XRCC4: variants seen among roughly 807,000 people sequenced by gnomAD.
XRCC4 encodes DNA repair protein XRCC4.
In XRCC4, 28 loss-of-function variants were observed where a neutral mutation model predicts 39.1. That is an observed-to-expected ratio of 0.72 (90% CI 0.53 to 0.98). The LOEUF (loss-of-function observed/expected upper bound fraction) is 0.98, where lower values mean the gene tolerates loss of function less well. Among genes scored for constraint, XRCC4 ranks in the 50% least tolerant of loss-of-function variants. The probability of loss-of-function intolerance (pLI) is 0.00; values close to 1 mark genes in which losing one functional copy is unlikely to be tolerated. For synonymous variants in XRCC4, 123 were observed against 126.4 expected, an observed-to-expected ratio of 0.97 and a Z score of 0.18; for missense variants, 350 against 376.4, an observed-to-expected ratio of 0.93 and a Z score of 0.58.
intron 1 of XRCC4, among the ~76,000 whole-genome samples, chr5:83,104,449 T>C (rs1339653072): frequency 7.2e-5 from 11 of 152,172 alleles, no homozygotes; most frequent in African/African-American, 2.4e-4. Flanking sequence ...AAAGAAGTGG[T>C]AAAATTTACT....
chr5:83,187,761 G>A (rs1434200142), intron 3 of XRCC4, among the ~76,000 whole-genome samples: 1 of 152,200 alleles, frequency 6.6e-6, no homozygotes, highest in Non-Finnish European at 1.5e-5. Context: ...TGTTTTTGGT[G>A]TATCCGTACT....
At chr5:83,222,714 T>C (rs2112792393) in intron 6 of XRCC4, among the ~76,000 whole-genome samples, 1 of 152,156 alleles carries the variant, frequency 6.6e-6, no homozygotes, top group African/African-American at 2.4e-5. Context: ...ATTTTAGATG[T>C]TTGTGTTTTT....
intron 6 of XRCC4, among the ~76,000 whole-genome samples, chr5:83,253,553 A>G (rs1018198057): frequency 2.0e-5 from 3 of 151,906 alleles, no homozygotes; most frequent in African/African-American, 7.3e-5. Flanking sequence ...GCATATCTGT[A>G]TGGCGGGGCA....
chr5:83,189,891 C>T (rs544276456), intron 3 of XRCC4, among the ~76,000 whole-genome samples: 23 of 152,148 alleles, frequency 1.5e-4, no homozygotes, highest in Non-Finnish European at 3.4e-4. Context: ...GGGTGAAACT[C>T]CGTCTCTACT....
At chr5:83,232,721 G>A (rs1752543782) in intron 6 of XRCC4, among the ~76,000 whole-genome samples, 1 of 152,056 alleles carries the variant, frequency 6.6e-6, no homozygotes, top group South Asian at 2.1e-4. Context: ...TTGTTCAAGA[G>A]CAAAGCTATT....
intron 6 of XRCC4, 89 bp from the exon 7 acceptor site, chr5:83,258,440 AC>A: frequency 1.4e-6 from 2 of 1,446,390 alleles, no homozygotes. Context: ...TTTAATTGTC[AC>A]CTTATGTCAA....
chr5:83,289,946 G>A (rs1754859799), intron 7 of XRCC4, among the ~76,000 whole-genome samples: 1 of 151,720 alleles, frequency 6.6e-6, no homozygotes, highest in East Asian at 1.9e-4. Flanking sequence ...TAAACTGTAG[G>A]AAAGGATGGA....
chr5:83,126,254 T>C (rs1170992663), intron 3 of XRCC4, among the ~76,000 whole-genome samples: 1 of 152,166 alleles, frequency 6.6e-6, no homozygotes, highest in African/African-American at 2.4e-5. Flanking sequence ...CCTAAGTATT[T>C]CAGTCTTTTT....
Position 83,320,959 on chromosome 5 carries a change from C to T in XRCC4, c.894-32172C>T, listed in dbSNP as rs140405439. 5.3e-5 allele frequency among the ~76,000 whole-genome samples: 8 copies of T among 151,840 alleles called. No homozygotes were observed. In the East Asian group the frequency reaches 1.4e-3, roughly 26 times the overall value. ...CCCAAGTAGCTGGAACTAAGGTGCCCGCCAACATGCCTGGCTAATTTTTGT... is the reference window on the plus strand; with the variant it reads ...CCCAAGTAGCTGGAACTAAGGTGCCTGCCAACATGCCTGGCTAATTTTTGT... On this transcript the variant is annotated intron_variant, in intron 7 of 7. Transcript: ENST00000396027.
chr5:83,251,944 GTAGCAACT>G (rs1357119504), intron 6 of XRCC4, among the ~76,000 whole-genome samples: 7 of 152,238 alleles, frequency 4.6e-5, no homozygotes, highest in Non-Finnish European at 8.8e-5. Flanking sequence ...TGAAAACTGA[GTAGCAACT>G]GATTTACAGA....
At chr5:83,139,981 C>CAT (rs1194329575) in intron 3 of XRCC4, among the ~76,000 whole-genome samples, 4 of 152,168 alleles carry the variant, frequency 2.6e-5, no homozygotes, top group African/African-American at 9.7e-5. Flanking sequence ...GTAGAGTTTA[C>CAT]TCTAGCCTTT....
intron 1 of XRCC4, among the ~76,000 whole-genome samples, chr5:83,078,753 A>G (rs1388254655): frequency 6.6e-6 from 1 of 152,262 alleles, no homozygotes; most frequent in Non-Finnish European, 1.5e-5. Flanking sequence ...AGATTGCAGC[A>G]TAGGAACAAA....
chr5:83,249,002 C>T (rs1372522293), intron 6 of XRCC4, among the ~76,000 whole-genome samples: 1 of 152,122 alleles, frequency 6.6e-6, no homozygotes, highest in African/African-American at 2.4e-5. Flanking sequence ...TCAAAATGGT[C>T]TGAAAGTGCA....
chr5:83,135,116 C>T (rs545444272), intron 3 of XRCC4, among the ~76,000 whole-genome samples: 91 of 152,298 alleles, frequency 6.0e-4, no homozygotes, highest in African/African-American at 1.5e-3. Context: ...ACACAGGTAC[C>T]GTCTGTCATG....
rs1055778885 is a variant in XRCC4 at position 83,159,470 on chromosome 5, T to C, written c.316-36300T>C. On this transcript the variant is annotated intron_variant, in intron 3 of 7. Transcript: ENST00000396027. ...TAGGCATAGTGAAAGGAGAAATGTT[T>C]AGGAAATTTGATGAATATACAACTA... is the stretch of plus-strand genomic sequence containing the variant. Among the ~76,000 whole-genome samples the C allele has an allele frequency of 2.6e-5, 4 of 152,246 alleles. No homozygotes were observed. In the East Asian group the frequency reaches 7.7e-4, roughly 29 times the overall value.
intron 1 of XRCC4, 88 bp downstream of exon 1, chr5:83,077,703 T>G: frequency 9.4e-6 from 2 of 213,474 alleles, no homozygotes; most frequent in South Asian, 1.4e-4. Context: ...TTTAAAAAAG[T>G]TCCCTGCTAC....
At chr5:83,260,968 G>C (rs1334252666) in intron 7 of XRCC4, among the ~76,000 whole-genome samples, 3 of 151,954 alleles carry the variant, frequency 2.0e-5, no homozygotes, top group Non-Finnish European at 2.9e-5. Flanking sequence ...TCAGTCAGAT[G>C]TTGAGTGGTT....
At chr5:83,204,979 T>A in intron 6 of XRCC4, 58 bp downstream of exon 6, 1 of 1,172,878 alleles carries the variant, frequency 8.5e-7, no homozygotes, top group Non-Finnish European at 1.2e-6. Flanking sequence ...CTTCTTATTC[T>A]AATGACAAGA....
chr5:83,140,453 C>T (rs1748114582), intron 3 of XRCC4, among the ~76,000 whole-genome samples: 1 of 152,246 alleles, frequency 6.6e-6, no homozygotes, highest in Non-Finnish European at 1.5e-5. Context: ...TTTGTTCTAG[C>T]CGCACTGGCA....
Sources: allele counts gnomAD v4.1 joint callset (sites outside exome capture counted in the v4.1 genomes callset), GRCh38; gene constraint gnomAD v4.1.1; transcripts MANE v1.5; gene names NCBI Gene and HGNC (gene_info 2026-07-23, HGNC 2026-07-21).